The following GLIS3 variants were observed in gnomAD, a reference collection of about 807,000 sequenced individuals.
The protein encoded by GLIS3 is GLIS family zinc finger 3.
A neutral mutation model predicts 78.6 loss-of-function variants in GLIS3; 53 were observed. That is an observed-to-expected ratio of 0.67 (90% CI 0.54 to 0.85). The LOEUF is 0.85. GLIS3 is among the 40% of genes least tolerant of loss of function. The pLI is 0.00. For missense variants in GLIS3, 1,703 were observed against 1,231.1 expected, an observed-to-expected ratio of 1.38 and a Z score of -5.74; for synonymous variants, 684 against 509.9, an observed-to-expected ratio of 1.34 and a Z score of -4.60.
chr9:4,452,395 A>G, the GLIS3 span, among the ~76,000 whole-genome samples: 1 of 152,242 alleles, frequency 6.6e-6, no homozygotes, highest in Non-Finnish European at 1.5e-5. Context: ...CTCTGTTTGC[A>G]GATGACATGA....
At chr9:3,876,080 G>A (rs79352965) in intron 8 of GLIS3, among the ~76,000 whole-genome samples, 206 of 152,120 alleles carry the variant, frequency 1.4e-3, no homozygotes, top group African/African-American at 4.7e-3. Flanking sequence ...TCCCCATAAG[G>A]TGCAATCTAA....
At chr9:4,084,256 A>AACACACACACACACACACACACACACAC (rs370384726) in intron 4 of GLIS3, among the ~76,000 whole-genome samples, 5 of 132,120 alleles carry the variant, frequency 3.8e-5, no homozygotes, top group Non-Finnish European at 6.6e-5. Flanking sequence ...TCCTCTCTCT[A>AACACACACACACACACACACACACACAC]ACACACACAC....
intron 2 of GLIS3, among the ~76,000 whole-genome samples, chr9:4,328,266 G>A (rs1275011852): frequency 2.0e-5 from 3 of 152,196 alleles, no homozygotes; most frequent in South Asian, 4.1e-4. Flanking sequence ...GGGATTTCAA[G>A]GTAGCTTGGA....
At chr9:4,408,109 C>G in the GLIS3 span, among the ~76,000 whole-genome samples, 2 of 152,002 alleles carry the variant, frequency 1.3e-5, no homozygotes, top group African/African-American at 4.8e-5. Context: ...CCAAGTCAGG[C>G]AATAACAAAT....
intron 4 of GLIS3, among the ~76,000 whole-genome samples, chr9:4,115,792 G>A (rs1831592951): frequency 6.6e-6 from 1 of 152,106 alleles, no homozygotes; most frequent in Non-Finnish European, 1.5e-5. Flanking sequence ...TTTATTATGT[G>A]CACTATTACA....
At chr9:4,352,053 T>G (rs758518330), upstream of GLIS3, among the ~76,000 whole-genome samples, 2 of 152,198 alleles carry the variant, frequency 1.3e-5, no homozygotes, top group Non-Finnish European at 2.9e-5. Context: ...TGAAGTAAAC[T>G]TCAGCGTAAG....
At chr9:3,955,561 G>T (rs1817044170) in intron 4 of GLIS3, among the ~76,000 whole-genome samples, 1 of 152,018 alleles carries the variant, frequency 6.6e-6, no homozygotes, top group South Asian at 2.1e-4. Flanking sequence ...ATGAAAAAGG[G>T]GTCATGAGCA....
the GLIS3 span, among the ~76,000 whole-genome samples, chr9:4,474,429 T>A: frequency 6.6e-6 from 1 of 152,106 alleles, no homozygotes; most frequent in Admixed American, 6.6e-5. Flanking sequence ...CATATACATA[T>A]GCCAAAGTCA....
chr9:3,882,585 C>T (rs1311384981), intron 7 of GLIS3, among the ~76,000 whole-genome samples: 1 of 152,164 alleles, frequency 6.6e-6, no homozygotes, highest in African/African-American at 2.4e-5. Context: ...CAGAATATGC[C>T]CTCCAGCTGT....
chr9:4,166,308 A>T (rs1835887756), intron 2 of GLIS3, among the ~76,000 whole-genome samples: 1 of 152,172 alleles, frequency 6.6e-6, no homozygotes, highest in Non-Finnish European at 1.5e-5. Context: ...CCCAGGATAC[A>T]CTTTGATACA....
chr9:4,252,942 G>A (rs113546178), intron 2 of GLIS3, among the ~76,000 whole-genome samples: 3 of 152,212 alleles, frequency 2.0e-5, no homozygotes, highest in African/African-American at 7.2e-5. Flanking sequence ...ACCAGTGGAG[G>A]CTGCAGAACA....
chr9:4,467,982 C>A, the GLIS3 span, among the ~76,000 whole-genome samples: 1 of 152,098 alleles, frequency 6.6e-6, no homozygotes, highest in African/African-American at 2.4e-5. Context: ...ATGAGAACTA[C>A]GTGACACAGG....
the GLIS3 span, among the ~76,000 whole-genome samples, chr9:4,452,707 A>G: frequency 6.6e-6 from 1 of 152,230 alleles, no homozygotes; most frequent in Non-Finnish European, 1.5e-5. Flanking sequence ...ATGTTCATGG[A>G]TAGGAAGAAT....
intron 2 of GLIS3, among the ~76,000 whole-genome samples, chr9:4,230,165 C>A (rs185798212): frequency 2.0e-5 from 3 of 152,312 alleles, no homozygotes; most frequent in African/African-American, 7.2e-5. Context: ...GATCTAAACA[C>A]ATATTTTATA....
At chr9:4,226,204 C>T (rs1388536471) in intron 2 of GLIS3, among the ~76,000 whole-genome samples, 1 of 152,112 alleles carries the variant, frequency 6.6e-6, no homozygotes, top group Non-Finnish European at 1.5e-5. Context: ...TTCTGCTTTC[C>T]AATATCTTGA....
chr9:3,952,654 C>CA (rs1410448033), intron 4 of GLIS3, among the ~76,000 whole-genome samples: 4 of 152,134 alleles, frequency 2.6e-5, no homozygotes, highest in Non-Finnish European at 5.9e-5. Context: ...ATCCAAATGT[C>CA]AAATTCTCAG....
At chr9:4,087,820 C>G (rs1348825608) in intron 4 of GLIS3, among the ~76,000 whole-genome samples, 1 of 152,164 alleles carries the variant, frequency 6.6e-6, no homozygotes, top group Admixed American at 6.5e-5. Context: ...CTCCATGAAG[C>G]CTTCAGTTTC....
intron 4 of GLIS3, chr9:4,305,437 G>A (rs1817203631): frequency 6.6e-6 from 1 of 152,218 alleles, no homozygotes; most frequent in South Asian, 2.1e-4. Flanking sequence ...TGTGAAACCA[G>A]GGGCATCCCC....
chr9:4,025,188 G>A (rs981417413), intron 4 of GLIS3, among the ~76,000 whole-genome samples: 9 of 151,816 alleles, frequency 5.9e-5, no homozygotes, highest in East Asian at 2.0e-4. Context: ...GGAGGCAGAC[G>A]TTGCAGTGAG....
Sources: gnomAD v4.1 joint callset for allele counts (sites outside exome capture counted in the v4.1 genomes callset) on GRCh38, gnomAD v4.1.1 for gene constraint, MANE v1.5 for transcripts, NCBI Gene and HGNC (gene_info 2026-07-23, HGNC 2026-07-21) for gene names.